KMT2D: variants seen among roughly 807,000 people sequenced by gnomAD.
KMT2D encodes the protein lysine methyltransferase 2D.
In KMT2D, 55 loss-of-function variants were observed where a neutral mutation model predicts 512.7. That is an observed-to-expected ratio of 0.11 (90% CI 0.09 to 0.13). The LOEUF is 0.13. Among genes scored for constraint, KMT2D ranks in the 10% least tolerant of loss-of-function variants. The pLI is 1.00. For missense variants in KMT2D, 6,061 were observed against 7,127.9 expected (o/e 0.85, Z 5.39); for synonymous variants, 2,995 against 2,904.0 (o/e 1.03, Z -1.01).
chr12:49,038,511 T>C lies in KMT2D; in HGVS notation c.8845A>G (p.Thr2949Ala), dbSNP rs2120499153. Reference sequence around the variant, plus strand: ...AGGGTAGGACCCTTGGTGTGGGGTGTTGGATGAAGACTGTTGTTCAATTCA... The same window carrying C: ...AGGGTAGGACCCTTGGTGTGGGGTGCTGGATGAAGACTGTTGTTCAATTCA... ...APELNNSLHPTPHTKGPTLPT... is the reference protein window; with the variant it reads ...APELNNSLHPAPHTKGPTLPT... Residue 2949 changes from threonine (T) to alanine (A), a missense_variant, in exon 35 of 55, where the codon ACA becomes GCA. Thr to Ala is a moderately conservative substitution (Grantham distance 58). Around this residue, in one of 16 missense-constraint regions of KMT2D, gnomAD observed 527 missense variants for 578.9 expected, o/e 0.91. Coordinates refer to ENST00000301067, the MANE Select transcript of KMT2D (RefSeq NM_003482.4). The surrounding 1 kb of genome is among the most constrained non-coding windows in gnomAD (Gnocchi z 5.7). The C allele has an allele frequency of 6.2e-7, 1 of 1,607,038 alleles. No homozygotes were observed. Among genetic ancestry groups the C allele is most frequent in the Non-Finnish European group, 8.5e-7 (1 of 1,175,002 alleles).
Position 49,039,782 on chromosome 12 carries a change from C to T in KMT2D, c.7988G>A (p.Gly2663Asp), listed in dbSNP as rs1041690934. 6.2e-7 allele frequency: 1 copy of T among 1,613,932 alleles called. No individual in the cohort carries two copies. The highest frequency in any genetic ancestry group is 2.2e-5 in the East Asian group (1 of 44,886). The change falls in exon 32 of 55, where the codon GGT (glycine) becomes GAT (aspartate). Residue 2663 changes from glycine (G) to aspartate (D), a missense_variant. Physicochemically the swap from Gly to Asp is moderately conservative, Grantham distance 94. This residue lies in a region of KMT2D where 527 missense variants were observed against 578.9 expected (regional missense o/e 0.91). Coordinates refer to ENST00000301067, the MANE Select transcript of KMT2D (RefSeq NM_003482.4). This position sits in a 1 kb window ranked among gnomAD's most constrained non-coding sequence, Gnocchi z 5.0. ...GSSLATAELP[G>D]TQDPGMSGLS... ...GCCGGACATGCCTGGGTCCTGGGTA[C>T]CTGGGAGTTCAGCTGTCGCCAAAGA... is the stretch of plus-strand genomic sequence containing the variant.
At position 49,027,054 on chromosome 12, in the gene KMT2D, C is replaced by A. The variant is rs532963649; in HGVS notation, c.14912G>T (p.Gly4971Val). 6.2e-7 allele frequency: 1 copy of A among 1,613,916 alleles called. No individual in the cohort carries two copies. Among genetic ancestry groups the A allele is most frequent in the South Asian group, 1.1e-5 (1 of 91,084 alleles). Reference protein sequence around the residue: ...PKPRARPPEEGEDSRPPRLKK... With the variant: ...PKPRARPPEEVEDSRPPRLKK... ...GAGGCGAGGAGGACGGGAATCTTCA[C>A]CTTCTTCAGGGGGCCGGGCACGGGG... The change falls in exon 49 of 55, where the codon GGT becomes GTT. Residue 4971 changes from glycine to valine, a missense_variant. By Grantham distance (109) the Gly-to-Val change is moderately radical. Coordinates refer to ENST00000301067, the MANE Select transcript of KMT2D (RefSeq NM_003482.4).
rs778514296 is a variant in KMT2D at position 49,051,891 on chromosome 12, G to A, written c.1792C>T (p.Arg598Cys). 5.3e-5 allele frequency: 86 copies of A among 1,613,032 alleles called. No individual in the cohort carries two copies. The highest frequency in any genetic ancestry group is 2.4e-4 in the South Asian group (22 of 91,050). The part of the protein sequence containing the change: ...SPMSPPPEAS[R>C]LFPPFEESPL... ...GACTCTTCAAATGGTGGGAACAGAC[G>A]AGATGCCTCCGGTGGTGGAGACATG... The change falls in exon 11 of 55, where the codon CGT becomes TGT. Residue 598 changes from arginine to cysteine, a missense_variant. This residue lies in a region of KMT2D where 848 missense variants were observed against 838.5 expected (regional missense o/e 1.01). Coordinates refer to ENST00000301067, the MANE Select transcript of KMT2D (RefSeq NM_003482.4).
rs758773506 is a variant in KMT2D, at chr12:49,039,502, C to T, written c.8162G>A (p.Gly2721Asp). 2.7e-5 allele frequency: 43 copies of T among 1,611,772 alleles called. No individual in the cohort carries two copies. The Admixed American group carries it at 4.7e-4, about 18-fold the overall frequency. Residue 2721 changes from glycine (G) to aspartate (D), a missense_variant, in exon 33 of 55, where the codon GGT becomes GAT. This residue lies in a region of KMT2D where 527 missense variants were observed against 578.9 expected (regional missense o/e 0.91). Coordinates refer to ENST00000301067, the MANE Select transcript of KMT2D (RefSeq NM_003482.4). The surrounding 1 kb of genome is among the most constrained non-coding windows in gnomAD (Gnocchi z 5.0). Reference protein sequence around the residue: ...AGAVGPPGSWGAEPSSPAFEQ... With the variant: ...AGAVGPPGSWDAEPSSPAFEQ... ...AAAGGCAGGGCTGCTGGGCTCAGCACCCCAGCTGCCTGGAGGCCCCACTGC... is the reference window on the plus strand; with the variant it reads ...AAAGGCAGGGCTGCTGGGCTCAGCATCCCAGCTGCCTGGAGGCCCCACTGC...
In KMT2D at chr12:49,054,602, A is replaced by G. The variant is rs772169265; in HGVS notation, c.326T>C (p.Val109Ala). 2 of 1,613,320 alleles carry G rather than the reference A, an allele frequency of 1.2e-6. No individual in the cohort carries two copies. Among genetic ancestry groups the G allele is most frequent in the Admixed American group, 1.7e-5 (1 of 59,938 alleles). Reference protein sequence around the residue: ...PGGSPGPNEAVLPSEDLSQIG... With the variant: ...PGGSPGPNEAALPSEDLSQIG... ...CTGTGATAGGTCCTCACTGGGCAGC[A>G]CTGCCTCATTGGGCCCTGGGCTCCC... Residue 109 changes from valine (V) to alanine (A), a missense_variant, in exon 4 of 55, where the codon GTG becomes GCG. Around this residue, in one of 16 missense-constraint regions of KMT2D, gnomAD observed 144 missense variants for 165.7 expected, o/e 0.87. Transcript: ENST00000301067. This position sits in a 1 kb window ranked among gnomAD's most constrained non-coding sequence, Gnocchi z 6.4.
Position 49,024,056 on chromosome 12 carries a change from A to T in KMT2D, c.16052+522T>A, listed in dbSNP as rs1308984101. The T allele has an allele frequency of 2.4e-5, 11 of 455,782 alleles. No homozygotes were observed. The highest frequency in any genetic ancestry group is 1.3e-5 in the Non-Finnish European group (3 of 226,900). The allele number at this position is 455,782 out of a possible 1,614,324, so 28.2% of individuals were successfully genotyped here. ...TCATACCACCTGCCCTACCTACCTC[A>T]TAAGGTTGTTGTGAGGATCAAATGA... On this transcript the variant is annotated intron_variant, in intron 51 of 54. Transcript: ENST00000301067. This position sits in a 1 kb window ranked among gnomAD's most constrained non-coding sequence, Gnocchi z 4.5.
intron 46 of KMT2D, 26 bp downstream of exon 46, chr12:49,028,802 A>C (rs2120385788): frequency 6.2e-7 from 1 of 1,611,222 alleles, no homozygotes; most frequent in South Asian, 1.1e-5. Flanking sequence ...GGTTCCCCTC[A>C]GCCTCGAGGT....
At position 49,041,095 on chromosome 12, in the gene KMT2D, T is replaced by A. The variant is rs780644840; in HGVS notation, c.6675A>T (p.Glu2225Asp). 1.3e-6 allele frequency: 2 copies of A among 1,531,870 alleles called. No individual in the cohort carries two copies. The highest frequency in any genetic ancestry group is 1.7e-6 in the Non-Finnish European group (2 of 1,143,056). 94.9% of individuals were successfully genotyped at this position (1,531,870 alleles called of 1,614,324 possible). ...GGGTGCCAGGTGGGGTAGTGTGGAA[T>A]TCCCCTGGCTGGCCAGCCCCAGGAC... is the stretch of plus-strand genomic sequence containing the variant. Reference protein sequence around the residue: ...SSRPGAGQPGEFHTTPPGTPR... With the variant: ...SSRPGAGQPGDFHTTPPGTPR... The change falls in exon 32 of 55, where the codon GAA (glutamate) becomes GAT (aspartate). Residue 2225 changes from glutamate (E) to aspartate (D), a missense_variant. Physicochemically the swap from Glu to Asp is conservative, Grantham distance 45. This residue lies in a region of KMT2D where 710 missense variants were observed against 647.3 expected (regional missense o/e 1.10). Transcript: ENST00000301067. The surrounding 1 kb of genome is among the most constrained non-coding windows in gnomAD (Gnocchi z 5.4).
chr12:49,040,440 A>T lies in KMT2D; in HGVS notation c.7330T>A (p.Phe2444Ile), dbSNP rs2120529037. 2 of 1,559,106 alleles carry T rather than the reference A, an allele frequency of 1.3e-6. No homozygotes were observed. The highest frequency in any genetic ancestry group is 1.7e-6 in the Non-Finnish European group (2 of 1,151,772). Reference sequence around the variant, plus strand: ...CGAGAATAAGGGTCAGGGGACTGGAAGCGAGGGGTAACGGGTGATGGGCAA... The same window carrying T: ...CGAGAATAAGGGTCAGGGGACTGGATGCGAGGGGTAACGGGTGATGGGCAA... Reference protein sequence around the residue: ...AFCPSPVTPRFQSPDPYSRPP... With the variant: ...AFCPSPVTPRIQSPDPYSRPP... Residue 2444 changes from phenylalanine (F) to isoleucine (I), a missense_variant, in exon 32 of 55, where the codon TTC becomes ATC. By Grantham distance (21) the Phe-to-Ile change is conservative (BLOSUM62 0). Transcript: ENST00000301067.
rs764956452 is a variant in KMT2D, at chr12:49,049,705, G to A, written c.3883C>T (p.Pro1295Ser). 1.6e-5 allele frequency: 25 copies of A among 1,595,180 alleles called. No homozygotes were observed. The highest frequency in any genetic ancestry group is 1.7e-5 in the Non-Finnish European group (20 of 1,166,050). ...EGEKGRRRSS[P>S]ARSRIKQGRS... ...ACCTGTTTGATGCGGGAACGGGCTGGGGAGCTGCGCCGCCGCCCCTTCTCC... is the reference window on the plus strand; with the variant it reads ...ACCTGTTTGATGCGGGAACGGGCTGAGGAGCTGCGCCGCCGCCCCTTCTCC... The change falls in exon 12 of 55, where the codon CCA (proline) becomes TCA (serine). Residue 1295 changes from proline (P) to serine (S), a missense_variant. This residue lies in a region of KMT2D where 447 missense variants were observed against 500.1 expected (regional missense o/e 0.89). Coordinates refer to ENST00000301067, the MANE Select transcript of KMT2D (RefSeq NM_003482.4).
Position 49,044,701 on chromosome 12 carries a change from C to G in KMT2D, c.4963+43G>C, listed in dbSNP as rs1440548664. 1.3e-6 allele frequency: 2 copies of G among 1,584,294 alleles called. No individual in the cohort carries two copies. The highest frequency in any genetic ancestry group is 1.1e-5 in the South Asian group (1 of 90,140). On this transcript the variant is annotated intron_variant, in intron 20 of 54. Coordinates refer to ENST00000301067, the MANE Select transcript of KMT2D (RefSeq NM_003482.4). The surrounding 1 kb of genome is among the most constrained non-coding windows in gnomAD (Gnocchi z 6.4). Reference sequence around the variant, plus strand: ...ACCCAACATCCCACTCCCAGAGTCACGCTCCCCCTACTCTGCCGCTCCCTA... The same window carrying G: ...ACCCAACATCCCACTCCCAGAGTCAGGCTCCCCCTACTCTGCCGCTCCCTA...
chr12:49,024,110 A>G lies in KMT2D; in HGVS notation c.16052+468T>C. 2.2e-6 allele frequency: 1 copy of G among 456,322 alleles called. No homozygotes were observed. 28.3% of individuals were successfully genotyped at this position (456,322 alleles called of 1,614,324 possible). ...AATGGATGTGAAAACGCTTTGAAAA[A>G]AAAAGTATAAAGTGCTATACAAATG... is the stretch of plus-strand genomic sequence containing the variant. On this transcript the variant is annotated intron_variant, in intron 51 of 54. Transcript: ENST00000301067. This position sits in a 1 kb window ranked among gnomAD's most constrained non-coding sequence, Gnocchi z 4.5.
In KMT2D at chr12:49,027,152, G is replaced by C. The variant is rs758525205; in HGVS notation, c.14814C>G (p.Thr4938=). 8.9e-6 allele frequency: 14 copies of C among 1,569,334 alleles called. No individual in the cohort carries two copies. In the South Asian group the frequency reaches 9.6e-5, roughly 11 times the overall value. The change falls in exon 49 of 55, where the codon ACC becomes ACG. Residue 4938 remains threonine (T), a synonymous_variant. Transcript: ENST00000301067. ...PPTEPLVELP[T]EPLAEPPVPS... ...GGACGGGTGGCTCAGCCAAGGGTTCGGTGGGAAGTTCAACCAAGGGCTCAG... is the reference window on the plus strand; with the variant it reads ...GGACGGGTGGCTCAGCCAAGGGTTCCGTGGGAAGTTCAACCAAGGGCTCAG...
rs1005156359 is a variant in KMT2D at position 49,059,004 on chromosome 12, G to A, written c.-38+609C>T. On this transcript the variant is annotated intron_variant, in intron 1 of 54. Coordinates refer to ENST00000301067, the MANE Select transcript of KMT2D (RefSeq NM_003482.4). ...AGTTTAAAGTTGAACAGCAGGGCCA[G>A]AACTGCCCCAGCCCCGCCTCCTTCT... Among the ~76,000 whole-genome samples the A allele has an allele frequency of 2.7e-4, 41 of 152,156 alleles. 1 individual carries two copies. Among genetic ancestry groups the A allele is most frequent in the African/African-American group, 1.4e-4 (6 of 41,438 alleles).
Position 49,026,156 on chromosome 12 carries a change from A to T in KMT2D, c.15784+26T>A, listed in dbSNP as rs2137714506. 3 of 1,534,988 alleles carry T rather than the reference A, an allele frequency of 2.0e-6. No individual in the cohort carries two copies. Among genetic ancestry groups the T allele is most frequent in the Non-Finnish European group, 2.6e-6 (3 of 1,138,958 alleles). On this transcript the variant is annotated intron_variant, in intron 49 of 54. Transcript: ENST00000301067. This position sits in a 1 kb window ranked among gnomAD's most constrained non-coding sequence, Gnocchi z 9.6. ...GGAGAAACTTTTCCCATTCCATATT[A>T]TCCATTTCAAGGGCCCACTGCTCAC...
At chr12:49,055,071 T>G in intron 2 of KMT2D, 45 bp from the exon 3 acceptor site, 1 of 1,608,658 alleles carries the variant, frequency 6.2e-7, no homozygotes, top group Non-Finnish European at 8.5e-7. Flanking sequence ...CATCCCTATT[T>G]AACACAAAGT....
rs2137708208 is a variant in KMT2D at position 49,022,934 on chromosome 12, C to T, written c.16053-59G>A. The T allele has an allele frequency of 1.4e-6, 2 of 1,477,092 alleles. No homozygotes were observed. Among genetic ancestry groups the T allele is most frequent in the East Asian group, 2.4e-5 (1 of 41,416 alleles). The allele number at this position is 1,477,092 out of a possible 1,614,324, so 91.5% of individuals were successfully genotyped here. ...CTCCCTCAGACCAAGTACATACCAC[C>T]CACCTCCTCTGCCACCTCCTGGGAT... is the stretch of plus-strand genomic sequence containing the variant. On this transcript the variant is annotated intron_variant, in intron 51 of 54. Coordinates refer to ENST00000301067, the MANE Select transcript of KMT2D (RefSeq NM_003482.4). This position sits in a 1 kb window ranked among gnomAD's most constrained non-coding sequence, Gnocchi z 8.6.
In KMT2D at chr12:49,041,726, C is replaced by A; in HGVS notation, c.6184-21G>T. ...TTTTGCTGAGGGATATGGGACACAGCCTTAGGGCCTAGTGCTTGGTCTCAT... is the reference window on the plus strand; with the variant it reads ...TTTTGCTGAGGGATATGGGACACAGACTTAGGGCCTAGTGCTTGGTCTCAT... On this transcript the variant is annotated intron_variant, in intron 30 of 54. Coordinates refer to ENST00000301067, the MANE Select transcript of KMT2D (RefSeq NM_003482.4). The surrounding 1 kb of genome is among the most constrained non-coding windows in gnomAD (Gnocchi z 5.4). 1 of 1,604,294 alleles carries A rather than the reference C, an allele frequency of 6.2e-7. No homozygotes were observed. Among genetic ancestry groups the A allele is most frequent in the South Asian group, 1.1e-5 (1 of 89,820 alleles).
Position 49,050,956 on chromosome 12 carries a change from GGACAGAGGTGGTTCCCCAGGCTCA to G in KMT2D, c.2703_2726del (p.Glu902_Ser909del), listed in dbSNP as rs1384999674. On this transcript the variant is annotated inframe_deletion, in exon 11 of 55. Transcript: ENST00000301067. ...ACAACGGCAGCTCCTCGGGCAGAGG[GGACAGAGGTGGTTCCCCAGGCTCA>G]GACAGGGCTGGCTCTCCAAGCAAGG... 3.9e-6 allele frequency: 6 copies of G among 1,557,016 alleles called. No individual in the cohort carries two copies. The highest frequency in any genetic ancestry group is 3.9e-5 in the Admixed American group (2 of 51,344).
Sources: allele counts gnomAD v4.1 joint callset (sites outside exome capture counted in the v4.1 genomes callset), GRCh38; gene constraint gnomAD v4.1.1; regional missense constraint gnomAD v4.1.1; non-coding constraint Gnocchi (gnomAD v3.1); transcripts MANE v1.5; gene names NCBI Gene and HGNC (gene_info 2026-07-23, HGNC 2026-07-21).